Variants in UBR3 observed in about 807,000 individuals in gnomAD.
UBR3 encodes the protein E3 ubiquitin-protein ligase UBR3.
UBR3 carries 85 observed loss-of-function variants against 243.2 expected under a neutral mutation model. The observed-to-expected ratio is 0.35, with a 90% CI of 0.29 to 0.42. UBR3 has a LOEUF of 0.42. Ranked by LOEUF, UBR3 falls within the 10% of genes least tolerant of loss-of-function variation. The probability of loss-of-function intolerance (pLI) is 1.00; values close to 1 mark genes in which losing one functional copy is unlikely to be tolerated. For missense variants in UBR3, 1,686 were observed against 2,300.8 expected, an observed-to-expected ratio of 0.73 and a Z score of 5.47; for synonymous variants, 748 against 799.8, an observed-to-expected ratio of 0.94 and a Z score of 1.09.
In UBR3 at chr2:170,077,651, TCTTGGCTTACTGCAACCTCAGCCTC is replaced by T. The variant is rs572805852; in HGVS notation, c.5200-2160_5200-2136del. On this transcript the variant is annotated intron_variant, in intron 36 of 38. Transcript: ENST00000272793. ...CCCAGGCTTGAGTGCAGTAGAGCGATCTTGGCTTACTGCAACCTCAGCCTCCTGGGTTCAAGTGATTTTCCTGCCT... is the reference window on the plus strand; with the variant it reads ...CCCAGGCTTGAGTGCAGTAGAGCGATCTGGGTTCAAGTGATTTTCCTGCCT... 8.3e-5 allele frequency: 34 copies of T among 407,690 alleles called. No individual in the cohort carries two copies. In the East Asian group the frequency reaches 1.3e-3, roughly 16 times the overall value. The allele number at this position is 407,690 out of a possible 1,614,324, so 25.3% of individuals were successfully genotyped here. A position where few individuals can be genotyped will look rare whatever the true frequency, so the allele number is the denominator to read the frequency against.
At chr2:170,074,573 A>G (rs1350993047) in intron 36 of UBR3, among the ~76,000 whole-genome samples, 1 of 152,178 alleles carries the variant, frequency 6.6e-6, no homozygotes, top group African/African-American at 2.4e-5. Context: ...TAAGTATGCT[A>G]TACATTTTTA....
intron 27 of UBR3, among the ~76,000 whole-genome samples, chr2:170,006,541 C>T (rs1559179701): frequency 6.6e-6 from 1 of 152,040 alleles, no homozygotes; most frequent in Non-Finnish European, 1.5e-5. Context: ...TTTTTTGAGG[C>T]TTATTTACTC....
At chr2:169,876,085 T>TTC in intron 3 of UBR3, 136 bp downstream of exon 3, 1 of 159,318 alleles carries the variant, frequency 6.3e-6, no homozygotes, top group East Asian at 2.0e-4. Flanking sequence ...AGAGAACTTC[T>TTC]TTTTTTTTTT....
intron 31 of UBR3, among the ~76,000 whole-genome samples, chr2:170,039,601 G>C (rs745657210): frequency 5.9e-5 from 9 of 152,246 alleles, no homozygotes; most frequent in Non-Finnish European, 1.0e-4. Flanking sequence ...TGTGTTTAGT[G>C]CCTGACCTGT....
At chr2:169,878,327 C>T (rs2083691558) in intron 4 of UBR3, among the ~76,000 whole-genome samples, 198 bp from the exon 5 acceptor site, 1 of 150,180 alleles carries the variant, frequency 6.7e-6, no homozygotes, top group African/African-American at 2.4e-5. Context: ...CGCCACTGCA[C>T]TCCAGCCTGA....
chr2:170,069,224 A>C (rs1395146295), intron 35 of UBR3, among the ~76,000 whole-genome samples: 1 of 152,154 alleles, frequency 6.6e-6, no homozygotes, highest in Admixed American at 6.5e-5. Context: ...GCCTTCACAA[A>C]ATATTAGCAA....
chr2:170,011,956 A>G (rs1012134067), intron 29 of UBR3, among the ~76,000 whole-genome samples: 1 of 152,060 alleles, frequency 6.6e-6, no homozygotes, highest in Non-Finnish European at 1.5e-5. Context: ...TTTTCCAAGG[A>G]TTTTTGGACT....
At chr2:170,065,017 A>G (rs999244745) in intron 35 of UBR3, among the ~76,000 whole-genome samples, 4 of 150,350 alleles carry the variant, frequency 2.7e-5, no homozygotes, top group African/African-American at 9.8e-5. Context: ...TAATTTTTGT[A>G]TTTTTAGTAG....
Position 170,083,638 on chromosome 2 carries a change from A to T in UBR3, c.*1795A>T, listed in dbSNP as rs927638121. ...ACAGTTTGAAACTCTGATGCTATAT[A>T]TACATGGTATAATGTATTCAGACTT... On this transcript the variant is annotated 3_prime_UTR_variant, in exon 39 of 39. Coordinates refer to ENST00000272793, the MANE Select transcript of UBR3 (RefSeq NM_172070.4). 3 of 152,630 alleles carry T rather than the reference A, an allele frequency of 2.0e-5. No homozygotes were observed. Among genetic ancestry groups the T allele is most frequent in the Non-Finnish European group, 2.9e-5 (2 of 68,002 alleles). The allele number at this position is 152,630 out of a possible 1,614,324, so 9.5% of individuals were successfully genotyped here.
rs571499849 is a variant in UBR3 at position 169,868,468 on chromosome 2, G to T, written c.546-3768G>T. Among the ~76,000 whole-genome samples the T allele has an allele frequency of 9.2e-5, 14 of 152,228 alleles. No individual in the cohort carries two copies. In the South Asian group the frequency reaches 2.5e-3, roughly 27 times the overall value. Reference sequence around the variant, plus strand: ...AAGTGATTCTTGTGCACACCACCACGCCTGGCTAAGTTTTGTGTTTTTAGT... The same window carrying T: ...AAGTGATTCTTGTGCACACCACCACTCCTGGCTAAGTTTTGTGTTTTTAGT... On this transcript the variant is annotated intron_variant, in intron 1 of 38. Transcript: ENST00000272793.
rs2091941034 is a variant in UBR3, at chr2:170,083,807, A to G, written c.*1964A>G. On this transcript the variant is annotated 3_prime_UTR_variant, in exon 39 of 39. Transcript: ENST00000272793. ...ATTAGTCACCAGTAAATTTTAAAAA[A>G]GCACTTGGTTGAAAATTGTACTTGA... 6.6e-6 allele frequency: 1 copy of G among 152,648 alleles called. No homozygotes were observed. Among genetic ancestry groups the G allele is most frequent in the Non-Finnish European group, 1.5e-5 (1 of 68,012 alleles). 9.5% of individuals were successfully genotyped at this position (152,648 alleles called of 1,614,324 possible). A position where few individuals can be genotyped will look rare whatever the true frequency, so the allele number is the denominator to read the frequency against.
At chr2:169,840,276 C>T (rs2082247618) in intron 1 of UBR3, among the ~76,000 whole-genome samples, 1 of 152,128 alleles carries the variant, frequency 6.6e-6, no homozygotes, top group African/African-American at 2.4e-5. Flanking sequence ...GCTGTCTTAT[C>T]TGTGTTTTAC....
chr2:169,924,154 T>C lies in UBR3; in HGVS notation c.2003T>C (p.Ile668Thr), dbSNP rs1236493663. The C allele has an allele frequency of 1.3e-6, 2 of 1,546,864 alleles. No individual in the cohort carries two copies. ...CAGGAAATGTTAATGAAACTAATGA[T>C]TCACCCACTCCAAATTCAAGTATGT... ...PDQEMLMKLMIHPLQIQASLA... is the reference protein window; with the variant it reads ...PDQEMLMKLMTHPLQIQASLA... Residue 668 changes from isoleucine to threonine, a missense_variant, in exon 13 of 39, where the codon ATT (isoleucine) becomes ACT (threonine). Physicochemically the swap from Ile to Thr is moderately conservative, Grantham distance 89 (BLOSUM62 -1). This residue lies in a region of UBR3 where 346 missense variants were observed against 585.8 expected (regional missense o/e 0.59). Coordinates refer to ENST00000272793, the MANE Select transcript of UBR3 (RefSeq NM_172070.4).
chr2:169,902,274 G>A (rs2105331556), intron 8 of UBR3, among the ~76,000 whole-genome samples: 1 of 152,192 alleles, frequency 6.6e-6, no homozygotes, highest in African/African-American at 2.4e-5. Context: ...TTCAAACCAT[G>A]GCCATCTCTA....
chr2:170,074,627 C>T (rs980785755), intron 36 of UBR3, among the ~76,000 whole-genome samples: 6 of 152,114 alleles, frequency 3.9e-5, no homozygotes, highest in Non-Finnish European at 7.4e-5. Flanking sequence ...AGCAACCTTC[C>T]TACCCTTCTG....
At chr2:169,851,873 G>C (rs2082672074) in intron 1 of UBR3, among the ~76,000 whole-genome samples, 1 of 151,650 alleles carries the variant, frequency 6.6e-6, no homozygotes, top group African/African-American at 2.4e-5. Context: ...AAGTGACAGA[G>C]CTGGGGCCCA....
chr2:169,966,408 C>T (rs182550207), intron 24 of UBR3, among the ~76,000 whole-genome samples: 1 of 152,222 alleles, frequency 6.6e-6, no homozygotes, highest in African/African-American at 2.4e-5. Context: ...ACAGAAAAGC[C>T]TCAAGAAGGA....
intron 1 of UBR3, among the ~76,000 whole-genome samples, chr2:169,843,600 A>G (rs2082369188): frequency 6.6e-6 from 1 of 152,228 alleles, no homozygotes; most frequent in Non-Finnish European, 1.5e-5. Context: ...CACATGGAAT[A>G]ATTATTGACT....
At chr2:169,950,983 T>C (rs2087002203) in intron 23 of UBR3, among the ~76,000 whole-genome samples, 1 of 152,172 alleles carries the variant, frequency 6.6e-6, no homozygotes, top group Admixed American at 6.5e-5. Flanking sequence ...TTCAAGATAG[T>C]CATTGCTCAC....
Sources: allele counts gnomAD v4.1 joint callset (sites outside exome capture counted in the v4.1 genomes callset), GRCh38; gene constraint gnomAD v4.1.1; regional missense constraint gnomAD v4.1.1; transcripts MANE v1.5; gene names NCBI Gene and HGNC (gene_info 2026-07-23, HGNC 2026-07-21).